UBXN4: variants seen among roughly 807,000 people sequenced by gnomAD.
The protein encoded by UBXN4 is UBX domain-containing protein 4.
UBXN4 carries 35 observed loss-of-function variants against 66.2 expected under a neutral mutation model. That is an observed-to-expected ratio of 0.53 (90% CI 0.40 to 0.70). The LOEUF (loss-of-function observed/expected upper bound fraction) is 0.70. Ranked by LOEUF, UBXN4 falls within the 30% of genes least tolerant of loss-of-function variation. UBXN4 has a pLI of 0.00. For synonymous variants in UBXN4, 203 were observed against 204.5 expected, an observed-to-expected ratio of 0.99 and a Z score of 0.06; for missense variants, 533 against 599.8, an observed-to-expected ratio of 0.89 and a Z score of 1.16.
At chr2:135,755,064 A>G (rs1230628657) in intron 4 of UBXN4, among the ~76,000 whole-genome samples, 3 of 152,200 alleles carry the variant, frequency 2.0e-5, no homozygotes, top group Non-Finnish European at 4.4e-5. Context: ...GATTACAGGC[A>G]TGAGCCACCA....
In UBXN4 at chr2:135,761,798, CT is replaced by C. The variant is rs2077317644; in HGVS notation, c.509-15del. The stretch of plus-strand genomic sequence containing the variant: ...TGCATTAAATGCAGTATTCTTATTT[CT>C]TTTTATTTAATAATTAAGGAGGAGA... On this transcript the variant is annotated intron_variant, in intron 5 of 12. Coordinates refer to ENST00000272638, the MANE Select transcript of UBXN4 (RefSeq NM_014607.4). 6.4e-7 allele frequency: 1 copy of C among 1,567,218 alleles called. No homozygotes were observed. The highest frequency in any genetic ancestry group is 1.9e-5 in the Admixed American group (1 of 51,384).
At position 135,780,240 on chromosome 2, in the gene UBXN4, T is replaced by G; in HGVS notation, c.1243T>G (p.Leu415Val). ...TTCCAGCGGAGACATTTGGACCTTG[T>G]TGGGAACAGTGCTTTATCCATTCCT... ...HSSSGDIWTL[L>V]GTVLYPFLAI... Residue 415 changes from leucine (L) to valine (V), a missense_variant, in exon 12 of 13, where the codon TTG (leucine) becomes GTG (valine). Leu to Val is a conservative substitution (Grantham distance 32). Around this residue, in one of 2 missense-constraint regions of UBXN4, gnomAD observed 529 missense variants for 580.1 expected, o/e 0.91. Coordinates refer to ENST00000272638, the MANE Select transcript of UBXN4 (RefSeq NM_014607.4). 6.2e-7 allele frequency: 1 copy of G among 1,614,126 alleles called. No homozygotes were observed. Among genetic ancestry groups the G allele is most frequent in the Non-Finnish European group, 8.5e-7 (1 of 1,180,022 alleles).
At chr2:135,753,825 T>G in intron 3 of UBXN4, 1 of 444,552 alleles carries the variant, frequency 2.2e-6, no homozygotes, top group Non-Finnish European at 3.9e-6. Context: ...ATAGGGAGTT[T>G]TTAAAATGTG....
At chr2:135,748,458 T>G (rs1575313563) in intron 2 of UBXN4, 89 bp downstream of exon 2, 5 of 1,041,214 alleles carry the variant, frequency 4.8e-6, no homozygotes, top group African/African-American at 1.7e-5. Flanking sequence ...AGAAGAATGT[T>G]GATGTTGGGC....
At chr2:135,752,128 A>G (rs1191997023) in intron 2 of UBXN4, among the ~76,000 whole-genome samples, 2 of 151,822 alleles carry the variant, frequency 1.3e-5, no homozygotes, top group African/African-American at 4.8e-5. Context: ...GCTCACTGCA[A>G]CCTCCGCCTC....
chr2:135,747,164 A>G (rs536676023), intron 1 of UBXN4, among the ~76,000 whole-genome samples: 9 of 145,962 alleles, frequency 6.2e-5, no homozygotes, highest in African/African-American at 1.8e-4. Context: ...TGGCCAACAT[A>G]GTGAAACCCC....
chr2:135,759,861 C>T (rs1489445940), intron 5 of UBXN4, among the ~76,000 whole-genome samples: 1 of 148,650 alleles, frequency 6.7e-6, no homozygotes, highest in African/African-American at 2.5e-5. Context: ...CTCCACCTCC[C>T]AAATTCAAGT....
At chr2:135,744,615 A>G (rs1187203256) in intron 1 of UBXN4, among the ~76,000 whole-genome samples, 1 of 151,804 alleles carries the variant, frequency 6.6e-6, no homozygotes, top group Non-Finnish European at 1.5e-5. Context: ...TTAGGTTTTG[A>G]GCAGTTGAGA....
chr2:135,780,141 T>C, intron 11 of UBXN4, 42 bp from the exon 12 acceptor site: 1 of 1,595,036 alleles, frequency 6.3e-7, no homozygotes, highest in African/African-American at 1.3e-5. Flanking sequence ...GATGTGATTG[T>C]GCTAACGTAG....
At chr2:135,772,349 T>C in intron 8 of UBXN4, 71 bp from the exon 9 acceptor site, 1 of 1,548,320 alleles carries the variant, frequency 6.5e-7, no homozygotes, top group South Asian at 1.2e-5. Flanking sequence ...ATTCCATGCA[T>C]ATTTGTTTGG....
intron 10 of UBXN4, 107 bp from the exon 11 acceptor site, chr2:135,778,831 TACATGTAATG>T: frequency 5.3e-6 from 6 of 1,141,242 alleles, no homozygotes; most frequent in Non-Finnish European, 7.1e-6. Flanking sequence ...TTTTTGAGTT[TACATGTAATG>T]AACTTTTAAA....
chr2:135,758,965 G>T (rs1018305153), intron 5 of UBXN4, among the ~76,000 whole-genome samples: 1 of 152,054 alleles, frequency 6.6e-6, no homozygotes, highest in Non-Finnish European at 1.5e-5. Flanking sequence ...CACCATGTTG[G>T]CCAGGCTGGC....
chr2:135,743,007 G>C (rs2077186555), intron 1 of UBXN4, among the ~76,000 whole-genome samples: 1 of 152,096 alleles, frequency 6.6e-6, no homozygotes, highest in Non-Finnish European at 1.5e-5. Context: ...TGAACTCCCT[G>C]CCTCTACGGT....
At chr2:135,742,345 C>G (rs896533383) in intron 1 of UBXN4, among the ~76,000 whole-genome samples, 110 of 152,312 alleles carry the variant, frequency 7.2e-4, no homozygotes, top group East Asian at 2.0e-4. Flanking sequence ...ACCGCTGCGT[C>G]TCCCGGCAGC....
intron 2 of UBXN4, among the ~76,000 whole-genome samples, chr2:135,751,022 A>AT (rs34978778): frequency 0.58 from 72,353 of 125,642 alleles, 23,357 homozygotes; most frequent in Non-Finnish European, 0.75. Context: ...TGCCCGGCTA[A>AT]TTTTTTTTTT....
At chr2:135,760,011 A>G (rs553771379) in intron 5 of UBXN4, among the ~76,000 whole-genome samples, 58 of 151,948 alleles carry the variant, frequency 3.8e-4, no homozygotes, top group Admixed American at 5.9e-4. Flanking sequence ...CAAATGATCC[A>G]CCTGCCTCGG....
chr2:135,745,528 C>T (rs1484997845), intron 1 of UBXN4, among the ~76,000 whole-genome samples: 1 of 152,116 alleles, frequency 6.6e-6, no homozygotes, highest in Non-Finnish European at 1.5e-5. Context: ...GACAATGTCT[C>T]ATTTGGTTTA....
intron 9 of UBXN4, among the ~76,000 whole-genome samples, chr2:135,773,931 T>C (rs1389828266): frequency 6.6e-6 from 1 of 152,230 alleles, no homozygotes; most frequent in Non-Finnish European, 1.5e-5. Flanking sequence ...ATACTTAACA[T>C]TGTTAAGATG....
rs1264906388 is a variant in UBXN4 at position 135,783,153 on chromosome 2, C to T, written c.*266C>T. ...ATCTGCCACAGCCTGCCTCCATCAGCTTCTTATTTAGTATTTCATATGCCC... is the reference window on the plus strand; with the variant it reads ...ATCTGCCACAGCCTGCCTCCATCAGTTTCTTATTTAGTATTTCATATGCCC... On this transcript the variant is annotated 3_prime_UTR_variant, in exon 13 of 13. Coordinates refer to ENST00000272638, the MANE Select transcript of UBXN4 (RefSeq NM_014607.4). The T allele has an allele frequency of 7.2e-6, 2 of 279,678 alleles. No individual in the cohort carries two copies. The highest frequency in any genetic ancestry group is 1.3e-5 in the Non-Finnish European group (2 of 149,416). The allele number at this position is 279,678 out of a possible 1,614,324, so 17.3% of individuals were successfully genotyped here. A position where few individuals can be genotyped will look rare whatever the true frequency, so the allele number is the denominator to read the frequency against.
Sources: allele counts gnomAD v4.1 joint callset (sites outside exome capture counted in the v4.1 genomes callset), GRCh38; gene constraint gnomAD v4.1.1; regional missense constraint gnomAD v4.1.1; transcripts MANE v1.5; gene names NCBI Gene and HGNC (gene_info 2026-07-23, HGNC 2026-07-21).